Variants in ASTN2 observed in about 807,000 individuals in gnomAD.
ASTN2 encodes the protein astrotactin 2.
In ASTN2, 54 loss-of-function variants were observed where a neutral mutation model predicts 139.8. That is an observed-to-expected ratio of 0.39 (90% confidence interval 0.31 to 0.48). The LOEUF is 0.48. Among genes scored for constraint, ASTN2 ranks in the 20% least tolerant of loss-of-function variants. The probability of loss-of-function intolerance (pLI) is 0.95; values close to 1 mark genes in which losing one functional copy is unlikely to be tolerated. For synonymous variants in ASTN2, 756 were observed against 719.5 expected (o/e 1.05, Z -0.81); for missense variants, 1,565 against 1,725.1 (o/e 0.91, Z 1.64).
intron 3 of ASTN2, among the ~76,000 whole-genome samples, chr9:117,213,318 G>A (rs191355083): frequency 9.5e-4 from 144 of 152,190 alleles, no homozygotes; most frequent in Middle Eastern, 6.8e-3. Context: ...GAGGGAGACA[G>A]GAATAGGGAG....
chr9:116,965,383 G>T (rs947428791), intron 10 of ASTN2, among the ~76,000 whole-genome samples: 6 of 152,190 alleles, frequency 3.9e-5, no homozygotes, highest in African/African-American at 7.2e-5. Flanking sequence ...ATAAGCCAGG[G>T]TTGGACTCCT....
chr9:116,993,928 G>T (rs1055249598), intron 7 of ASTN2, among the ~76,000 whole-genome samples: 2 of 148,142 alleles, frequency 1.4e-5, no homozygotes, highest in Non-Finnish European at 3.0e-5. Flanking sequence ...CCCCTGCCCC[G>T]CAAGAATGTA....
intron 3 of ASTN2, among the ~76,000 whole-genome samples, chr9:117,150,082 C>T (rs1830293189): frequency 6.6e-6 from 1 of 152,158 alleles, no homozygotes; most frequent in African/African-American, 2.4e-5. Context: ...AGGAGAACTG[C>T]ATTGAGTTTG....
intron 13 of ASTN2, among the ~76,000 whole-genome samples, chr9:116,786,606 A>T (rs1830385425): frequency 6.6e-6 from 1 of 152,200 alleles, no homozygotes; most frequent in Admixed American, 6.5e-5. Context: ...ACTAATAAAA[A>T]TGGGGGATAG....
At chr9:116,919,811 G>A (rs978949056) in intron 10 of ASTN2, among the ~76,000 whole-genome samples, 3 of 151,614 alleles carry the variant, frequency 2.0e-5, no homozygotes, top group Admixed American at 1.3e-4. Context: ...AAGCTTGATG[G>A]TGGTCTATAG....
intron 2 of ASTN2, among the ~76,000 whole-genome samples, chr9:117,226,708 C>A (rs772574663): frequency 6.6e-6 from 1 of 152,172 alleles, no homozygotes; most frequent in Non-Finnish European, 1.5e-5. Context: ...AGGGGTTTTG[C>A]CCTTCAAGGC....
intron 1 of ASTN2, among the ~76,000 whole-genome samples, chr9:117,406,485 C>T (rs542568359): frequency 2.0e-5 from 3 of 152,070 alleles, no homozygotes; most frequent in Admixed American, 6.6e-5. Flanking sequence ...CCTGCCACCC[C>T]CCTCCTCCAC....
intron 8 of ASTN2, 135 bp downstream of exon 8, chr9:116,976,566 T>G: frequency 4.4e-6 from 3 of 686,322 alleles, no homozygotes; most frequent in Non-Finnish European, 7.4e-6. Context: ...TCACTTCCCA[T>G]TGGGTTTTGC....
At chr9:116,842,220 T>C (rs553817046) in intron 11 of ASTN2, among the ~76,000 whole-genome samples, 2 of 152,236 alleles carry the variant, frequency 1.3e-5, no homozygotes, top group East Asian at 3.9e-4. Flanking sequence ...ACAGATTAGG[T>C]ACAGCATCTT....
chr9:116,660,530 A>G (rs776496333), intron 16 of ASTN2, among the ~76,000 whole-genome samples: 1 of 152,210 alleles, frequency 6.6e-6, no homozygotes, highest in Admixed American at 6.5e-5. Context: ...AATGAGAATC[A>G]GAACTTAATG....
chr9:116,817,273 G>A (rs1302720827), intron 12 of ASTN2, among the ~76,000 whole-genome samples: 1 of 150,650 alleles, frequency 6.6e-6, no homozygotes, highest in African/African-American at 2.4e-5. Flanking sequence ...CAGCCTGGGT[G>A]ACAGAGCGAG....
intron 17 of ASTN2, among the ~76,000 whole-genome samples, chr9:116,630,029 A>G (rs904539757): frequency 3.3e-5 from 5 of 152,220 alleles, no homozygotes; most frequent in African/African-American, 1.2e-4. Context: ...ATGAAGTACT[A>G]TGTTTTAATG....
chr9:117,255,701 G>A (rs753239619), intron 2 of ASTN2, among the ~76,000 whole-genome samples: 15 of 152,168 alleles, frequency 9.9e-5, no homozygotes, highest in Non-Finnish European at 1.9e-4. Context: ...GGGAGAACAC[G>A]GAGGAGACAT....
At chr9:116,477,680 A>G (rs1251577630) in intron 20 of ASTN2, among the ~76,000 whole-genome samples, 3 of 151,774 alleles carry the variant, frequency 2.0e-5, no homozygotes, top group African/African-American at 7.3e-5. Flanking sequence ...AGACAGGGGT[A>G]GAGACACAGA....
chr9:117,059,601 A>G lies in ASTN2; in HGVS notation c.1277-19636T>C, dbSNP rs183780217. 3.9e-3 allele frequency among the ~76,000 whole-genome samples: 586 copies of G among 152,138 alleles called. 3 individuals are homozygous for G. Among genetic ancestry groups the G allele is most frequent in the Non-Finnish European group, 2.4e-3 (161 of 68,012 alleles). On this transcript the variant is annotated intron_variant, in intron 5 of 22. Transcript: ENST00000313400. ...GCACTCCAGCTTGGGTGACAAAGAG[A>G]GATTATGTTTTTTTATTATTACTAT...
chr9:116,937,471 C>T (rs1223991325), intron 10 of ASTN2, among the ~76,000 whole-genome samples: 1 of 152,194 alleles, frequency 6.6e-6, no homozygotes, highest in Admixed American at 6.5e-5. Flanking sequence ...TGCCTATTCT[C>T]TAAACCTTTA....
At chr9:117,205,621 TG>T (rs1414663111) in intron 3 of ASTN2, among the ~76,000 whole-genome samples, 2 of 152,102 alleles carry the variant, frequency 1.3e-5, no homozygotes, top group African/African-American at 4.8e-5. Flanking sequence ...GTTTGTCCAC[TG>T]AGCATCAAGG....
At chr9:117,181,915 C>T (rs1831078872) in intron 3 of ASTN2, among the ~76,000 whole-genome samples, 1 of 152,166 alleles carries the variant, frequency 6.6e-6, no homozygotes, top group African/African-American at 2.4e-5. Context: ...TTGGGATTCG[C>T]AAAAGCTGAG....
intron 5 of ASTN2, among the ~76,000 whole-genome samples, chr9:117,074,392 G>C (rs1201770640): frequency 6.6e-6 from 1 of 152,192 alleles, no homozygotes; most frequent in African/African-American, 2.4e-5. Context: ...GCTTCAGAAA[G>C]GTGGTAACAT....
Sources: gnomAD v4.1 joint callset for allele counts (sites outside exome capture counted in the v4.1 genomes callset) on GRCh38, gnomAD v4.1.1 for gene constraint, MANE v1.5 for transcripts, NCBI Gene and HGNC (gene_info 2026-07-23, HGNC 2026-07-21) for gene names.